AIG1: variants seen among roughly 807,000 people sequenced by gnomAD.
AIG1 encodes the protein androgen induced 1, also known as androgen-induced gene 1 protein.
Under a neutral mutation model 31.4 loss-of-function variants are expected in AIG1, and 23 were observed. The observed-to-expected ratio is 0.73, with a 90% CI of 0.53 to 1.04. AIG1 has a LOEUF of 1.04. AIG1 is among the 50% of genes least tolerant of loss of function. AIG1 has a pLI of 0.00. For missense variants in AIG1, 274 were observed against 295.0 expected (o/e 0.93, Z 0.52); for synonymous variants, 100 against 110.5 (o/e 0.90, Z 0.60).
intron 3 of AIG1, among the ~76,000 whole-genome samples, chr6:143,226,951 A>T (rs1005278584): frequency 1.3e-5 from 2 of 149,002 alleles, no homozygotes; most frequent in African/African-American, 5.0e-5. Flanking sequence ...CCCAACACAA[A>T]TTTATAAACT....
At chr6:143,265,037 T>C (rs1242562387) in intron 3 of AIG1, among the ~76,000 whole-genome samples, 1 of 152,234 alleles carries the variant, frequency 6.6e-6, no homozygotes, top group African/African-American at 2.4e-5. Context: ...TGAGAAATCA[T>C]GCTTATGTTT....
chr6:143,336,397 T>C (rs1459652173), intron 5 of AIG1, among the ~76,000 whole-genome samples: 2 of 152,190 alleles, frequency 1.3e-5, no homozygotes, highest in Admixed American at 6.5e-5. Flanking sequence ...AAATCTTAAG[T>C]GACCCTCCAG....
intron 2 of AIG1, among the ~76,000 whole-genome samples, chr6:143,156,872 T>G (rs1049903667): frequency 5.3e-5 from 8 of 152,204 alleles, no homozygotes; most frequent in African/African-American, 1.9e-4. Context: ...AGCATGACCT[T>G]GGGCTAGTCC....
downstream of AIG1, chr6:143,342,320 C>T (rs1777874505): frequency 1.5e-6 from 1 of 676,636 alleles, no homozygotes; most frequent in Non-Finnish European, 2.7e-6. Flanking sequence ...GCAGCAGCAG[C>T]TGCGAGGAGC....
chr6:143,272,993 G>T (rs574180451), intron 3 of AIG1, among the ~76,000 whole-genome samples: 1 of 152,312 alleles, frequency 6.6e-6, no homozygotes, highest in South Asian at 2.1e-4. Flanking sequence ...GCTGGGCATC[G>T]TGATCGGCAC....
chr6:143,169,035 A>T (rs1172903992), intron 3 of AIG1, among the ~76,000 whole-genome samples: 1 of 150,968 alleles, frequency 6.6e-6, no homozygotes, highest in East Asian at 2.0e-4. Context: ...ATATTTTAAT[A>T]TTTATATTTA....
chr6:143,154,043 G>T (rs1199071527), intron 2 of AIG1, among the ~76,000 whole-genome samples: 1 of 151,706 alleles, frequency 6.6e-6, no homozygotes, highest in Non-Finnish European at 1.5e-5. Context: ...TTGAAACCAG[G>T]AGTTCGTGAC....
At chr6:143,311,650 A>G (rs979346317) in intron 4 of AIG1, among the ~76,000 whole-genome samples, 2 of 152,038 alleles carry the variant, frequency 1.3e-5, no homozygotes, top group Non-Finnish European at 2.9e-5. Flanking sequence ...GAAGACTATA[A>G]ATAGAAGAGA....
chr6:143,217,968 T>C (rs911987879), intron 3 of AIG1, among the ~76,000 whole-genome samples: 2 of 152,238 alleles, frequency 1.3e-5, no homozygotes, highest in African/African-American at 4.8e-5. Context: ...AGATCACCAG[T>C]TTCCCTATAA....
At chr6:143,203,789 C>T (rs987089) in intron 3 of AIG1, among the ~76,000 whole-genome samples, 1 of 152,170 alleles carries the variant, frequency 6.6e-6, no homozygotes, top group Non-Finnish European at 1.5e-5. Context: ...AAGAAGGGAC[C>T]TTATGAAGAA....
At chr6:143,218,384 A>G (rs1271402223) in intron 3 of AIG1, among the ~76,000 whole-genome samples, 1 of 152,140 alleles carries the variant, frequency 6.6e-6, no homozygotes, top group Non-Finnish European at 1.5e-5. Flanking sequence ...AACACTTTAG[A>G]TACCTTTCCC....
chr6:143,266,057 TATGGCCCA>T (rs2128662913), intron 3 of AIG1, among the ~76,000 whole-genome samples: 1 of 152,288 alleles, frequency 6.6e-6, no homozygotes, highest in African/African-American at 2.4e-5. Context: ...ATAAGAATAA[TATGGCCCA>T]TAAGCTGGGC....
At chr6:143,059,844 T>G (rs753467151), upstream of AIG1, among the ~76,000 whole-genome samples, 4 of 152,212 alleles carry the variant, frequency 2.6e-5, no homozygotes, top group Admixed American at 1.3e-4. Context: ...CTGCAACTGG[T>G]TGGCTGAAAT....
At chr6:143,154,149 A>G (rs943630883) in intron 2 of AIG1, among the ~76,000 whole-genome samples, 1 of 152,068 alleles carries the variant, frequency 6.6e-6, no homozygotes, top group African/African-American at 2.4e-5. Context: ...TCTGGTTTGG[A>G]CATTATTAAC....
intron 1 of AIG1, among the ~76,000 whole-genome samples, chr6:143,117,107 C>T (rs1424613009): frequency 6.6e-6 from 1 of 152,078 alleles, no homozygotes; most frequent in Non-Finnish European, 1.5e-5. Flanking sequence ...TACAGGGCCT[C>T]ATTACAAACT....
chr6:143,270,425 A>G (rs1796433654), intron 3 of AIG1, among the ~76,000 whole-genome samples: 1 of 152,192 alleles, frequency 6.6e-6, no homozygotes, highest in Non-Finnish European at 1.5e-5. Flanking sequence ...CCTATTACCT[A>G]CTGTCTTCCC....
chr6:143,177,315 T>C (rs1288221786), intron 3 of AIG1, among the ~76,000 whole-genome samples: 1 of 152,192 alleles, frequency 6.6e-6, no homozygotes. Context: ...TTGGGGTCTG[T>C]TACTTAGAGA....
At chr6:143,065,910 T>C (rs1776657368) in intron 1 of AIG1, among the ~76,000 whole-genome samples, 1 of 152,258 alleles carries the variant, frequency 6.6e-6, no homozygotes, top group South Asian at 2.1e-4. Flanking sequence ...GGGAATCCCA[T>C]TGGCTCTAGT....
intron 1 of AIG1, chr6:143,061,704 C>G (rs78414456): frequency 0.036 from 6,594 of 181,988 alleles, 175 homozygotes; most frequent in African/African-American, 0.066. Flanking sequence ...ACACACTTCT[C>G]TGTCTTCCCA....
Sources: gnomAD v4.1 joint callset for allele counts (sites outside exome capture counted in the v4.1 genomes callset) on GRCh38, gnomAD v4.1.1 for gene constraint, MANE v1.5 for transcripts, NCBI Gene and HGNC (gene_info 2026-07-23, HGNC 2026-07-21) for gene names.